Variants in CLUL1 observed in about 807,000 individuals in gnomAD.
CLUL1 encodes clusterin-like protein 1.
A neutral mutation model predicts 49.4 loss-of-function variants in CLUL1; 43 were observed. The observed-to-expected ratio is 0.87, with a 90% CI of 0.68 to 1.12. The LOEUF is 1.12. Ranked by LOEUF, CLUL1 falls within the 50% of genes most tolerant of loss-of-function variation. The probability of loss-of-function intolerance (pLI) is 0.00; values close to 1 mark genes in which losing one functional copy is unlikely to be tolerated. For missense variants in CLUL1, 486 were observed against 544.4 expected (o/e 0.89, Z 1.07); for synonymous variants, 192 against 184.9 (o/e 1.04, Z -0.31).
At chr18:612,968 A>C in intron 2 of CLUL1, 1 of 249,386 alleles carries the variant, frequency 4.0e-6, no homozygotes, top group Non-Finnish European at 7.6e-6. Flanking sequence ...TCAATAATTA[A>C]ATTTGTGTAG....
At chr18:624,456 C>T (rs1160021615) in intron 4 of CLUL1, among the ~76,000 whole-genome samples, 1 of 152,052 alleles carries the variant, frequency 6.6e-6, no homozygotes, top group African/African-American at 2.4e-5. Flanking sequence ...AATGTACCAG[C>T]TTTATAAACT....
Position 627,148 on chromosome 18 carries a change from GA to G in CLUL1, c.476del (p.Asp159ValfsTer19). The G allele has an allele frequency of 6.2e-7, 1 of 1,612,956 alleles. No homozygotes were observed. The highest frequency in any genetic ancestry group is 1.7e-5 in the Admixed American group (1 of 59,888). ...TCAATTTCTATTTCCTTTCCATGAA[GA>G]TAATGAAAAAGATCTCCCCATCAGT... ...IYQFLFPFHE[D>X]NEKDLPISEK... On this transcript the variant is annotated frameshift_variant, in exon 6 of 10. Coordinates refer to ENST00000692774, the MANE Select transcript of CLUL1 (RefSeq NM_001393344.1). LOFTEE classifies it high-confidence loss of function.
At chr18:633,188 T>C (rs747997900) in intron 6 of CLUL1, 110 bp from the exon 7 acceptor site, 28 of 826,876 alleles carry the variant, frequency 3.4e-5, no homozygotes, top group South Asian at 4.8e-5. Flanking sequence ...TACATACATA[T>C]AGGAAAAAGA....
rs374105934 is a variant in CLUL1, at chr18:627,506, A to G, written c.833A>G (p.Glu278Gly). The change falls in exon 6 of 10, where the codon GAA becomes GGA. Residue 278 changes from glutamate (E) to glycine (G), a missense_variant. Coordinates refer to ENST00000692774, the MANE Select transcript of CLUL1 (RefSeq NM_001393344.1). The stretch of plus-strand genomic sequence containing the variant: ...ATTACTAAGATGCTGAAGGCAATAG[A>G]AGATTTACCAAAACAAGACAAAGGC... The part of the protein sequence containing the change: ...ETITKMLKAI[E>G]DLPKQDKAPD... 2 of 1,608,270 alleles carry G rather than the reference A, an allele frequency of 1.2e-6. No individual in the cohort carries two copies. Among genetic ancestry groups the G allele is most frequent in the Non-Finnish European group, 1.7e-6 (2 of 1,176,236 alleles).
chr18:636,064 A>C (rs745738415), intron 7 of CLUL1, among the ~76,000 whole-genome samples: 3 of 152,192 alleles, frequency 2.0e-5, no homozygotes, highest in African/African-American at 4.8e-5. Flanking sequence ...AAACAACATA[A>C]TATCCTAAAC....
chr18:620,952 A>ATT (rs2073473561), intron 4 of CLUL1, among the ~76,000 whole-genome samples: 1 of 152,224 alleles, frequency 6.6e-6, no homozygotes, highest in Non-Finnish European at 1.5e-5. Context: ...AATATTTTCA[A>ATT]TTTTAATGTT....
chr18:645,810 A>AAAAAAAATATATATAT (rs1451607900), intron 9 of CLUL1, among the ~76,000 whole-genome samples: 1 of 29,872 alleles, frequency 3.3e-5, no homozygotes, highest in Non-Finnish European at 5.8e-5. Context: ...AAAAAAAAAA[A>AAAAAAAATATATATAT]ATATATATAT....
Position 627,088 on chromosome 18 carries a change from A to G in CLUL1, c.424-9A>G, listed in dbSNP as rs375960914. ...TTATTCCATTTCTGTCCCCTACTCT[A>G]CTCCACAGATTGAACGGTTTTTCAG... On this transcript the variant is annotated splice_polypyrimidine_tract_variant and intron_variant, in intron 5 of 9. Coordinates refer to ENST00000692774, the MANE Select transcript of CLUL1 (RefSeq NM_001393344.1). The G allele has an allele frequency of 6.2e-5, 98 of 1,581,328 alleles. No homozygotes were observed. Among genetic ancestry groups the G allele is most frequent in the Non-Finnish European group, 8.4e-5 (97 of 1,152,656 alleles).
intron 9 of CLUL1, among the ~76,000 whole-genome samples, chr18:646,344 T>C (rs1419763007): frequency 2.0e-5 from 3 of 152,022 alleles, no homozygotes; most frequent in African/African-American, 7.2e-5. Context: ...CCTTTTTTTT[T>C]TTCTAGTTGT....
At chr18:602,333 C>T (rs2072855782) in intron 1 of CLUL1, among the ~76,000 whole-genome samples, 1 of 152,102 alleles carries the variant, frequency 6.6e-6, no homozygotes, top group African/African-American at 2.4e-5. Flanking sequence ...CAGATCTATT[C>T]TCTATTTCTT....
chr18:603,036 G>A (rs1371294412), intron 1 of CLUL1, among the ~76,000 whole-genome samples: 1 of 152,142 alleles, frequency 6.6e-6, no homozygotes, highest in Non-Finnish European at 1.5e-5. Flanking sequence ...TGAGCAAAGA[G>A]GTACATGCTC....
chr18:620,089 T>C (rs578841), intron 4 of CLUL1, among the ~76,000 whole-genome samples: 120,669 of 152,150 alleles, frequency 0.79, 48,328 homozygotes, highest in East Asian at 0.99. Flanking sequence ...TTCATTTACT[T>C]ATGAATTAGA....
chr18:599,922 T>C (rs890839805), intron 1 of CLUL1, among the ~76,000 whole-genome samples: 9 of 148,596 alleles, frequency 6.1e-5, no homozygotes, highest in Non-Finnish European at 1.3e-4. Flanking sequence ...CACTCCAGTC[T>C]GGGCTACAGA....
At chr18:605,752 C>T (rs2072955702) in intron 1 of CLUL1, among the ~76,000 whole-genome samples, 1 of 152,146 alleles carries the variant, frequency 6.6e-6, no homozygotes, top group African/African-American at 2.4e-5. Flanking sequence ...TCTTGGCTCA[C>T]TGCAACCTCC....
chr18:603,843 G>C (rs114332714), intron 1 of CLUL1, among the ~76,000 whole-genome samples: 1 of 152,042 alleles, frequency 6.6e-6, no homozygotes, highest in Non-Finnish European at 1.5e-5. Context: ...TCTATTTCAC[G>C]AACATTTTGT....
chr18:643,232 G>A (rs1328202494), intron 8 of CLUL1, among the ~76,000 whole-genome samples: 1 of 152,154 alleles, frequency 6.6e-6, no homozygotes, highest in African/African-American at 2.4e-5. Context: ...ATGTGTATAT[G>A]TGTGTAAACA....
At chr18:631,483 G>A (rs1287204585) in intron 6 of CLUL1, among the ~76,000 whole-genome samples, 3 of 152,098 alleles carry the variant, frequency 2.0e-5, no homozygotes, top group African/African-American at 4.8e-5. Context: ...TTAGCTCAGT[G>A]ACTGCACTGG....
At chr18:611,053 C>T (rs1354587431) in intron 2 of CLUL1, among the ~76,000 whole-genome samples, 1 of 151,982 alleles carries the variant, frequency 6.6e-6, no homozygotes, top group East Asian at 1.9e-4. Context: ...GTCCCAAGTC[C>T]ACTTCCCATG....
intron 2 of CLUL1, among the ~76,000 whole-genome samples, chr18:609,351 A>G (rs866119588): frequency 6.6e-6 from 1 of 152,232 alleles, no homozygotes. Flanking sequence ...TTAGTAAAAA[A>G]TATGACATAT....
Sources: allele counts gnomAD v4.1 joint callset (sites outside exome capture counted in the v4.1 genomes callset), GRCh38; gene constraint gnomAD v4.1.1; transcripts MANE v1.5; gene names NCBI Gene and HGNC (gene_info 2026-07-23, HGNC 2026-07-21).